Variants in FMN1 observed in about 807,000 individuals in gnomAD.
The protein encoded by FMN1 is formin 1.
In FMN1, 110 loss-of-function variants were observed where a neutral mutation model predicts 132.4. The observed-to-expected ratio is 0.83, with a 90% CI of 0.71 to 0.97. The LOEUF (loss-of-function observed/expected upper bound fraction) is 0.97, where lower values mean the gene tolerates loss of function less well. FMN1 is among the 50% of genes least tolerant of loss of function. The pLI, the probability that FMN1 is intolerant of heterozygous loss-of-function variation, is 0.00. For synonymous variants in FMN1, 722 were observed against 651.7 expected (o/e 1.11, Z -1.64); for missense variants, 1,792 against 1,705.3 (o/e 1.05, Z -0.90).
chr15:32,917,229 C>T (rs1419622750), intron 10 of FMN1, among the ~76,000 whole-genome samples: 1 of 152,160 alleles, frequency 6.6e-6, no homozygotes, highest in Non-Finnish European at 1.5e-5. Flanking sequence ...GATCTGCTCC[C>T]GCTGAAGAGC....
chr15:32,899,144 C>T (rs1203104425), intron 14 of FMN1, among the ~76,000 whole-genome samples: 1 of 131,918 alleles, frequency 7.6e-6, no homozygotes, highest in East Asian at 2.0e-4. Flanking sequence ...GAAATAATGG[C>T]TAAAACAAAC....
chr15:32,777,667 CATAACACATTTATATATTACGTATAACAT>C lies in FMN1; in HGVS notation c.4131-777_4131-749del, dbSNP rs2056487425. ...TAACACATTTATATATTACGTATAA[CATAACACATTTATATATTACGTATAACAT>C]ATAACACATTTACTTATATATTACG... is the stretch of plus-strand genomic sequence containing the variant. On this transcript the variant is annotated intron_variant, in intron 19 of 20. Coordinates refer to ENST00000616417, the MANE Select transcript of FMN1 (RefSeq NM_001277313.2). Among the ~76,000 whole-genome samples, 3 of 102,712 alleles carry C rather than the reference CATAACACATTTATATATTACGTATAACAT, an allele frequency of 2.9e-5. 1 individual carries two copies. Among genetic ancestry groups the C allele is most frequent in the African/African-American group, 7.4e-5 (2 of 27,012 alleles). 67.4% of individuals were successfully genotyped at this position (102,712 alleles called of 152,430 possible). A position where few individuals can be genotyped will look rare whatever the true frequency, so the allele number is the denominator to read the frequency against.
chr15:32,809,378 G>A (rs2057793401), intron 17 of FMN1, among the ~76,000 whole-genome samples: 2 of 152,068 alleles, frequency 1.3e-5, no homozygotes, highest in Non-Finnish European at 1.5e-5. Context: ...ATTTTAGAAG[G>A]CAAAGTGAAC....
At chr15:32,972,452 C>T (rs1047576980) in intron 7 of FMN1, among the ~76,000 whole-genome samples, 7 of 152,144 alleles carry the variant, frequency 4.6e-5, no homozygotes, top group Non-Finnish European at 7.4e-5. Context: ...CTTTCATCTC[C>T]CCCATCCTAT....
chr15:32,868,863 T>G (rs528752265), intron 16 of FMN1, among the ~76,000 whole-genome samples: 1 of 152,286 alleles, frequency 6.6e-6, no homozygotes, highest in African/African-American at 2.4e-5. Context: ...TGAGACCTAC[T>G]GGTCATTTCT....
At chr15:33,151,476 C>T in intron 4 of FMN1, 5 of 1,219,796 alleles carry the variant, frequency 4.1e-6, no homozygotes, top group Non-Finnish European at 5.7e-6. Context: ...GGCTCACGGT[C>T]AGTCTCCAAC....
intron 19 of FMN1, among the ~76,000 whole-genome samples, chr15:32,789,309 C>A (rs144062481): frequency 1.3e-5 from 2 of 152,246 alleles, no homozygotes; most frequent in African/African-American, 4.8e-5. Context: ...TCTGGAGATA[C>A]GATAGCTCAC....
chr15:33,101,042 C>A (rs955657888), intron 4 of FMN1, among the ~76,000 whole-genome samples: 2 of 151,998 alleles, frequency 1.3e-5, no homozygotes, highest in East Asian at 3.9e-4. Flanking sequence ...TACTTTCTAC[C>A]GTTTTTTCAA....
chr15:32,814,081 C>T lies in FMN1; in HGVS notation c.3929-9749G>A, dbSNP rs150523210. Among the ~76,000 whole-genome samples the T allele has an allele frequency of 7.7e-3, 1,167 of 152,244 alleles. 13 individuals are homozygous for T. Among genetic ancestry groups the T allele is most frequent in the South Asian group, 0.034 (166 of 4,814 alleles). ...TGCTTTAAAACAGACCGTGGGGGTACAATTTCAGAATGATCTGGTGAGAGA... is the reference window on the plus strand; with the variant it reads ...TGCTTTAAAACAGACCGTGGGGGTATAATTTCAGAATGATCTGGTGAGAGA... On this transcript the variant is annotated intron_variant, in intron 17 of 20. Transcript: ENST00000616417.
chr15:33,139,452 C>G (rs373200767), intron 4 of FMN1, among the ~76,000 whole-genome samples: 1 of 151,898 alleles, frequency 6.6e-6, no homozygotes, highest in Non-Finnish European at 1.5e-5. Flanking sequence ...AAAAATTAGC[C>G]GGTGTAGACA....
rs555760509 is a variant in FMN1, at chr15:33,024,223, A to ATTTTTTT, written c.2162-16155_2162-16149dup. 1.6e-3 allele frequency among the ~76,000 whole-genome samples: 138 copies of ATTTTTTT among 88,010 alleles called. 21 individuals are homozygous for ATTTTTTT. The highest frequency in any genetic ancestry group is 3.4e-3 in the East Asian group (7 of 2,086). The allele number at this position is 88,010 out of a possible 152,430, so 57.7% of individuals were successfully genotyped here. ...GGGAATACTATTTCACACCTATCAG[A>ATTTTTTT]TTTTTTTTTTTTTTTTTTTTTTTTT... is the stretch of plus-strand genomic sequence containing the variant. On this transcript the variant is annotated intron_variant, in intron 6 of 20. Transcript: ENST00000616417.
chr15:32,922,603 G>C (rs1328331758), intron 10 of FMN1, among the ~76,000 whole-genome samples: 1 of 152,164 alleles, frequency 6.6e-6, no homozygotes, highest in Non-Finnish European at 1.5e-5. Flanking sequence ...CTCTTCAACA[G>C]CCAAACCAGT....
chr15:32,911,005 G>A (rs141013019), intron 10 of FMN1, among the ~76,000 whole-genome samples: 1 of 152,288 alleles, frequency 6.6e-6, no homozygotes, highest in East Asian at 1.9e-4. Flanking sequence ...CCTTTCCGTG[G>A]CCACTGCCAA....
chr15:33,095,303 G>C (rs2039041400), intron 4 of FMN1, among the ~76,000 whole-genome samples: 1 of 152,116 alleles, frequency 6.6e-6, no homozygotes, highest in Admixed American at 6.5e-5. Flanking sequence ...AGCCGAGATT[G>C]TGCCACTGCA....
chr15:33,164,061 G>A (rs1016852944), intron 3 of FMN1, among the ~76,000 whole-genome samples: 15 of 152,084 alleles, frequency 9.9e-5, no homozygotes, highest in Admixed American at 3.3e-4. Flanking sequence ...GAAGACATGG[G>A]CTCAAGGACA....
chr15:32,898,533 G>A lies in FMN1; in HGVS notation c.3714+301C>T, dbSNP rs143923805. 3.2e-4 allele frequency among the ~76,000 whole-genome samples: 49 copies of A among 152,212 alleles called. No individual in the cohort carries two copies. In the South Asian group the frequency reaches 4.2e-3, roughly 13 times the overall value. On this transcript the variant is annotated intron_variant, in intron 15 of 20. Transcript: ENST00000616417. Reference sequence around the variant, plus strand: ...TTTCAATTATAACCAATTACTGAGCGGATCTAGATTTCACAGAGAACCTCA... The same window carrying A: ...TTTCAATTATAACCAATTACTGAGCAGATCTAGATTTCACAGAGAACCTCA...
At chr15:32,840,755 C>A (rs997553299) in intron 17 of FMN1, among the ~76,000 whole-genome samples, 1 of 152,136 alleles carries the variant, frequency 6.6e-6, no homozygotes, top group African/African-American at 2.4e-5. Context: ...GAAGCTGTGC[C>A]AGTGGGTCAT....
chr15:32,954,297 T>G (rs1339790768), intron 9 of FMN1, among the ~76,000 whole-genome samples: 1 of 152,214 alleles, frequency 6.6e-6, no homozygotes, highest in African/African-American at 2.4e-5. Context: ...TCATACAATA[T>G]GCTACTGATG....
Position 33,055,218 on chromosome 15 carries a change from C to T in FMN1, c.2161+9739G>A, listed in dbSNP as rs768441854. On this transcript the variant is annotated intron_variant, in intron 6 of 20. Coordinates refer to ENST00000616417, the MANE Select transcript of FMN1 (RefSeq NM_001277313.2). ...GTCTCCACAACCCCTTATCTTAACC[C>T]AGACACTCCTCTCTACTGATAATAG... 1.4e-3 allele frequency among the ~76,000 whole-genome samples: 209 copies of T among 152,244 alleles called. 1 individual carries two copies. Among genetic ancestry groups the T allele is most frequent in the Admixed American group, 2.2e-3 (34 of 15,298 alleles).
Sources: gnomAD v4.1 joint callset for allele counts (sites outside exome capture counted in the v4.1 genomes callset) on GRCh38, gnomAD v4.1.1 for gene constraint, MANE v1.5 for transcripts, NCBI Gene and HGNC (gene_info 2026-07-23, HGNC 2026-07-21) for gene names.